The following CREB1 variants were observed in gnomAD, a reference collection of about 807,000 sequenced individuals.
CREB1 encodes cAMP responsive element binding protein 1.
In CREB1, 2 loss-of-function variants were observed where a neutral mutation model predicts 42.0. The observed-to-expected ratio is 0.05, with a 90% confidence interval of 0.02 to 0.15. The LOEUF (loss-of-function observed/expected upper bound fraction) is 0.15. Ranked by LOEUF, CREB1 falls within the 10% of genes least tolerant of loss-of-function variation. CREB1 has a pLI of 1.00. For synonymous variants in CREB1, 123 were observed against 139.9 expected, an observed-to-expected ratio of 0.88 and a Z score of 0.85; for missense variants, 199 against 388.9, an observed-to-expected ratio of 0.51 and a Z score of 4.11.
chr2:207,532,344 G>A (rs1221686582), intron 1 of CREB1, among the ~76,000 whole-genome samples: 1 of 150,756 alleles, frequency 6.6e-6, no homozygotes, highest in Non-Finnish European at 1.5e-5. Flanking sequence ...AAAAAAGAAA[G>A]AATATATGAC....
chr2:207,571,893 A>C (rs750362526), intron 5 of CREB1: 9 of 330,280 alleles, frequency 2.7e-5, no homozygotes, highest in Non-Finnish European at 5.5e-5. Context: ...TAGATGTTTA[A>C]TTTGGTACAC....
chr2:207,531,575 A>G (rs1319869165), intron 1 of CREB1, among the ~76,000 whole-genome samples: 1 of 152,242 alleles, frequency 6.6e-6, no homozygotes, highest in African/African-American at 2.4e-5. Context: ...GCTGGCGTCT[A>G]ACTTCTGAAG....
chr2:207,532,113 G>A (rs181004904), intron 1 of CREB1, among the ~76,000 whole-genome samples: 2 of 151,752 alleles, frequency 1.3e-5, no homozygotes, highest in Admixed American at 1.3e-4. Context: ...CCCAGCACTT[G>A]GGGGGTCGAG....
intron 3 of CREB1, among the ~76,000 whole-genome samples, chr2:207,562,152 A>G (rs942775152): frequency 1.3e-5 from 2 of 152,182 alleles, no homozygotes. Flanking sequence ...ATACTGTGCC[A>G]TTACTAATTC....
At chr2:207,593,719 C>CTTTTT (rs5838079) in intron 7 of CREB1, among the ~76,000 whole-genome samples, 1 of 102,676 alleles carries the variant, frequency 9.7e-6, no homozygotes, top group Non-Finnish European at 1.9e-5. Context: ...TCCTCACAAA[C>CTTTTT]TTTTTTTTTT....
At position 207,575,622 on chromosome 2, in the gene CREB1, C is replaced by T. The variant is rs189420280; in HGVS notation, c.688+168C>T. 1.2e-4 allele frequency among the ~76,000 whole-genome samples: 19 copies of T among 152,142 alleles called. No homozygotes were observed. The East Asian group carries it at 3.5e-3, about 28-fold the overall frequency. On this transcript the variant is annotated intron_variant, in intron 6 of 7. Coordinates refer to ENST00000353267, the MANE Select transcript of CREB1 (RefSeq NM_004379.5). ...GAACTCTTCCATTATTCCAATTGGA[C>T]CAAAATGTCATGGCATAAAAACAAC...
At chr2:207,583,491 A>G (rs2083298167) in intron 7 of CREB1, among the ~76,000 whole-genome samples, 1 of 152,210 alleles carries the variant, frequency 6.6e-6, no homozygotes. Context: ...ACAGTGCAGT[A>G]TTTATATACA....
At chr2:207,571,814 T>A (rs1330671129) in intron 5 of CREB1, 1 of 436,552 alleles carries the variant, frequency 2.3e-6, no homozygotes, top group Non-Finnish European at 4.6e-6. Context: ...GGAAGCATGC[T>A]CTTTAGGAAA....
intron 1 of CREB1, among the ~76,000 whole-genome samples, chr2:207,535,604 A>G (rs1325274917): frequency 2.0e-5 from 3 of 152,122 alleles, no homozygotes; most frequent in Admixed American, 6.5e-5. Context: ...ATTTAAAAAT[A>G]GTGAGATTCA....
chr2:207,531,804 CTG>C (rs769619080), intron 1 of CREB1, among the ~76,000 whole-genome samples: 6 of 152,206 alleles, frequency 3.9e-5, no homozygotes, highest in Non-Finnish European at 7.3e-5. Flanking sequence ...AGCAGAAGCA[CTG>C]TCTTATTTTT....
chr2:207,545,364 T>C (rs959881115), intron 1 of CREB1, among the ~76,000 whole-genome samples: 2 of 151,760 alleles, frequency 1.3e-5, no homozygotes, highest in African/African-American at 2.4e-5. Context: ...TGTGCCACCA[T>C]GCCCGGCTAA....
intron 1 of CREB1, among the ~76,000 whole-genome samples, chr2:207,539,834 G>A (rs1007184089): frequency 3.3e-5 from 5 of 152,074 alleles, no homozygotes; most frequent in Non-Finnish European, 5.9e-5. Context: ...CTAGGCAGTG[G>A]AATGGACAAA....
chr2:207,602,551 G>A lies in CREB1; in HGVS notation c.*5493G>A, dbSNP rs1289223513. ...TGAGGAGCATCTCAGAGAAGTGAGAGTAAATCTGAGTTAGCTTAAAAATTG... is the reference window on the plus strand; with the variant it reads ...TGAGGAGCATCTCAGAGAAGTGAGAATAAATCTGAGTTAGCTTAAAAATTG... On this transcript the variant is annotated 3_prime_UTR_variant, in exon 8 of 8. Transcript: ENST00000353267. 1 of 210,422 alleles carries A rather than the reference G, an allele frequency of 4.8e-6. No individual in the cohort carries two copies. Among genetic ancestry groups the A allele is most frequent in the Non-Finnish European group, 9.6e-6 (1 of 103,742 alleles). 13.0% of individuals were successfully genotyped at this position (210,422 alleles called of 1,614,324 possible). A position where few individuals can be genotyped will look rare whatever the true frequency, so the allele number is the denominator to read the frequency against.
chr2:207,600,267 ACAG>A lies in CREB1; in HGVS notation c.*3210_*3212del. On this transcript the variant is annotated 3_prime_UTR_variant, in exon 8 of 8. Transcript: ENST00000353267. ...TATATATATATATATATATATACAT[ACAG>A]TATATAATCTAAAGCTCTGAGAGCT... 1 of 167,956 alleles carries A rather than the reference ACAG, an allele frequency of 6.0e-6. No individual in the cohort carries two copies. Among genetic ancestry groups the A allele is most frequent in the East Asian group, 1.1e-4 (1 of 9,092 alleles). 10.4% of individuals were successfully genotyped at this position (167,956 alleles called of 1,614,324 possible).
At chr2:207,581,080 G>T in intron 7 of CREB1, 1 of 212,398 alleles carries the variant, frequency 4.7e-6, no homozygotes. Context: ...ATTGTAGGGG[G>T]ATTTTAAAAG....
At chr2:207,577,448 A>C in intron 6 of CREB1, 57 bp from the exon 7 acceptor site, 1 of 1,583,074 alleles carries the variant, frequency 6.3e-7, no homozygotes, top group Non-Finnish European at 8.6e-7. Flanking sequence ...ATTGATACAC[A>C]TAATTGAATC....
chr2:207,583,705 T>C (rs2083334655), intron 7 of CREB1, among the ~76,000 whole-genome samples: 1 of 152,174 alleles, frequency 6.6e-6, no homozygotes, highest in Non-Finnish European at 1.5e-5. Flanking sequence ...GTTCACTCTT[T>C]GTGCTGTATA....
rs1365188427 is a variant in CREB1 at position 207,598,736 on chromosome 2, A to G, written c.*1678A>G. 1 of 164,710 alleles carries G rather than the reference A, an allele frequency of 6.1e-6. No homozygotes were observed. Among genetic ancestry groups the G allele is most frequent in the Non-Finnish European group, 1.3e-5 (1 of 75,584 alleles). The allele number at this position is 164,710 out of a possible 1,614,324, so 10.2% of individuals were successfully genotyped here. A position where few individuals can be genotyped will look rare whatever the true frequency, so the allele number is the denominator to read the frequency against. On this transcript the variant is annotated 3_prime_UTR_variant, in exon 8 of 8. Transcript: ENST00000353267. ...GTGGCTGGCGCCTGTAATCCCAGCT[A>G]CTCAGGAGGTTGAGGCAGCAGAATT...
At chr2:207,533,599 T>G (rs2080745075) in intron 1 of CREB1, among the ~76,000 whole-genome samples, 1 of 152,240 alleles carries the variant, frequency 6.6e-6, no homozygotes, top group African/African-American at 2.4e-5. Context: ...TGACATAGTT[T>G]TGCAAATATC....
Sources: allele counts gnomAD v4.1 joint callset (sites outside exome capture counted in the v4.1 genomes callset), GRCh38; gene constraint gnomAD v4.1.1; transcripts MANE v1.5; gene names NCBI Gene and HGNC (gene_info 2026-07-23, HGNC 2026-07-21).